The following ATG7 variants were observed in gnomAD, a reference collection of about 807,000 sequenced individuals.
ATG7 encodes autophagy related 7.
Under a neutral mutation model 82.4 loss-of-function variants are expected in ATG7, and 70 were observed. That is an observed-to-expected ratio of 0.85 (90% CI 0.70 to 1.04). The LOEUF is 1.04. Ranked by LOEUF, ATG7 falls within the 50% of genes least tolerant of loss-of-function variation. The probability of loss-of-function intolerance (pLI) is 0.00; values close to 1 mark genes in which losing one functional copy is unlikely to be tolerated. For missense variants in ATG7, 792 were observed against 864.3 expected (o/e 0.92, Z 1.05); for synonymous variants, 287 against 313.0 (o/e 0.92, Z 0.88).
intron 12 of ATG7, 50 bp downstream of exon 12, chr3:11,340,785 A>G (rs767957036): frequency 1.3e-6 from 2 of 1,527,068 alleles, no homozygotes; most frequent in Non-Finnish European, 1.8e-6. Flanking sequence ...TAACCAAGAC[A>G]CACACCAAGT....
At chr3:11,351,182 G>A (rs1308918769) in intron 14 of ATG7, among the ~76,000 whole-genome samples, 1 of 152,146 alleles carries the variant, frequency 6.6e-6, no homozygotes, top group African/African-American at 2.4e-5. Flanking sequence ...CGTGTTCCAG[G>A]GACAGGGGAA....
intron 1 of ATG7, among the ~76,000 whole-genome samples, chr3:11,274,847 C>T (rs945873790): frequency 6.6e-6 from 1 of 151,734 alleles, no homozygotes; most frequent in East Asian, 1.9e-4. Context: ...TTAATATTGC[C>T]AGGCCCAGAA....
intron 20 of ATG7, among the ~76,000 whole-genome samples, chr3:11,505,782 A>G (rs1282924537): frequency 6.6e-6 from 1 of 152,250 alleles, no homozygotes; most frequent in Non-Finnish European, 1.5e-5. Flanking sequence ...TGAAAGTATC[A>G]GTAGGCTCCG....
At chr3:11,325,421 C>T (rs969235582) in intron 9 of ATG7, among the ~76,000 whole-genome samples, 4 of 152,188 alleles carry the variant, frequency 2.6e-5, no homozygotes, top group African/African-American at 9.7e-5. Context: ...CCTGTAATCA[C>T]AGCACTTTGG....
intron 20 of ATG7, among the ~76,000 whole-genome samples, chr3:11,474,445 C>G (rs1382335548): frequency 6.6e-6 from 1 of 152,100 alleles, no homozygotes; most frequent in African/African-American, 2.4e-5. Context: ...ACAAAAAATA[C>G]AAAAATTAGC....
intron 16 of ATG7, among the ~76,000 whole-genome samples, chr3:11,361,475 G>A (rs2076279728): frequency 6.6e-6 from 1 of 151,996 alleles, no homozygotes. Context: ...AGTAGAGACG[G>A]GGTTTCACCA....
At chr3:11,564,825 G>A in the ATG7 span, 1 of 1,586,302 alleles carries the variant, frequency 6.3e-7, no homozygotes, top group Non-Finnish European at 8.6e-7. Flanking sequence ...GGTCAGTGTG[G>A]GCGAGAGGCC....
chr3:11,558,751 C>G (rs752590399), downstream of ATG7: 1 of 1,614,178 alleles, frequency 6.2e-7, no homozygotes, highest in South Asian at 1.1e-5. Flanking sequence ...AGTTGGGTGC[C>G]GGCTCGGGCT....
At chr3:11,485,233 A>G (rs2153038198) in intron 20 of ATG7, among the ~76,000 whole-genome samples, 1 of 152,296 alleles carries the variant, frequency 6.6e-6, no homozygotes, top group East Asian at 1.9e-4. Flanking sequence ...AATGATTGCC[A>G]TTCTAACTGG....
chr3:11,419,529 G>C (rs1176945555), intron 19 of ATG7, among the ~76,000 whole-genome samples: 1 of 152,124 alleles, frequency 6.6e-6, no homozygotes, highest in African/African-American at 2.4e-5. Context: ...ACTCCAGCCT[G>C]GGCAACAGAG....
chr3:11,458,086 G>C lies in ATG7; in HGVS notation c.2079+31160G>C, dbSNP rs145862856. Among the ~76,000 whole-genome samples the C allele has an allele frequency of 3.0e-4, 45 of 152,156 alleles. No individual in the cohort carries two copies. In the East Asian group the frequency reaches 4.6e-3, roughly 16 times the overall value. ...TTTCTAAAATACATTGATTTTTATG[G>C]AACTAGTGTCTTGTTTTCAAAACAG... is the stretch of plus-strand genomic sequence containing the variant. On this transcript the variant is annotated intron_variant, in intron 20 of 20. Coordinates refer to ENST00000693202, the MANE Select transcript of ATG7 (RefSeq NM_001349232.2).
At chr3:11,343,653 A>G (rs1479927441) in intron 13 of ATG7, among the ~76,000 whole-genome samples, 1 of 152,094 alleles carries the variant, frequency 6.6e-6, no homozygotes, top group Non-Finnish European at 1.5e-5. Flanking sequence ...GAATGTGGAA[A>G]TTTTTTGGTT....
intron 13 of ATG7, among the ~76,000 whole-genome samples, chr3:11,343,384 G>A (rs949572087): frequency 3.9e-5 from 6 of 152,132 alleles, no homozygotes; most frequent in Admixed American, 2.0e-4. Context: ...TCTTTAATTA[G>A]CAAGGGTGAG....
chr3:11,489,518 G>A (rs193133006), intron 20 of ATG7, among the ~76,000 whole-genome samples: 456 of 146,220 alleles, frequency 3.1e-3, no homozygotes, highest in Non-Finnish European at 5.2e-3. Context: ...CCTTCTGCTG[G>A]CTTTTGAATG....
intron 3 of ATG7, among the ~76,000 whole-genome samples, chr3:11,293,547 A>G (rs1397307190): frequency 7.0e-6 from 1 of 141,886 alleles, no homozygotes; most frequent in East Asian, 2.2e-4. Context: ...AAAAAAAAAA[A>G]GAAAGAAAGT....
chr3:11,319,156 G>A (rs1949864609), intron 9 of ATG7, among the ~76,000 whole-genome samples: 1 of 152,184 alleles, frequency 6.6e-6, no homozygotes, highest in Non-Finnish European at 1.5e-5. Flanking sequence ...GAAGGCTTTT[G>A]CCGGGGGCAG....
In ATG7 at chr3:11,298,774, T is replaced by C. The variant is rs1946339632; in HGVS notation, c.79T>C (p.Trp27Arg). 6.2e-7 allele frequency: 1 copy of C among 1,614,064 alleles called. No individual in the cohort carries two copies. Among genetic ancestry groups the C allele is most frequent in the Non-Finnish European group, 8.5e-7 (1 of 1,180,032 alleles). ...PFSSALDVGF[W>R]HELTQKKLNE... ...TAGTAGTGCCTTGGATGTTGGGTTT[T>C]GGCATGAGTTGACCCAGAAGAAGCT... Residue 27 changes from tryptophan (W) to arginine (R), a missense_variant, in exon 4 of 21, where the codon TGG becomes CGG. Transcript: ENST00000693202.
At chr3:11,444,905 C>T (rs1267292991) in intron 20 of ATG7, among the ~76,000 whole-genome samples, 1 of 152,114 alleles carries the variant, frequency 6.6e-6, no homozygotes, top group Non-Finnish European at 1.5e-5. Flanking sequence ...AGGACATAAA[C>T]ACACACTTCT....
At chr3:11,379,381 A>C (rs2077697318) in intron 18 of ATG7, among the ~76,000 whole-genome samples, 1 of 152,206 alleles carries the variant, frequency 6.6e-6, no homozygotes, top group South Asian at 2.1e-4. Context: ...CTGGAAATGT[A>C]ACTCAGTTGT....
Sources: allele counts gnomAD v4.1 joint callset (sites outside exome capture counted in the v4.1 genomes callset), GRCh38; gene constraint gnomAD v4.1.1; transcripts MANE v1.5; gene names NCBI Gene and HGNC (gene_info 2026-07-23, HGNC 2026-07-21).